CNTNAP2: variants seen among roughly 807,000 people sequenced by gnomAD.
The protein encoded by CNTNAP2 is contactin associated protein 2, also known as contactin-associated protein-like 2.
Under a neutral mutation model 155.2 loss-of-function variants are expected in CNTNAP2, and 98 were observed. That is an observed-to-expected ratio of 0.63 (90% CI 0.54 to 0.75). The LOEUF (loss-of-function observed/expected upper bound fraction) is 0.75, where lower values mean the gene tolerates loss of function less well. CNTNAP2 is among the 30% of genes least tolerant of loss of function. CNTNAP2 has a pLI of 0.00. For missense variants in CNTNAP2, 1,727 were observed against 1,688.1 expected (o/e 1.02, Z -0.40); for synonymous variants, 651 against 631.2 (o/e 1.03, Z -0.47).
chr7:146,768,115 A>C (rs555549594), intron 1 of CNTNAP2, among the ~76,000 whole-genome samples: 1 of 152,176 alleles, frequency 6.6e-6, no homozygotes, highest in Non-Finnish European at 1.5e-5. Context: ...GAAAATGTAA[A>C]ATATAAATTA....
At position 148,061,946 on chromosome 7, in the gene CNTNAP2, TAAAC is replaced by T. The variant is rs1325669011; in HGVS notation, c.2384-56170_2384-56167del. 5.2e-3 allele frequency among the ~76,000 whole-genome samples: 679 copies of T among 129,974 alleles called. 9 individuals are homozygous for T. The highest frequency in any genetic ancestry group is 7.0e-3 in the African/African-American group (226 of 32,136). The allele number at this position is 129,974 out of a possible 152,430, so 85.3% of individuals were successfully genotyped here. A position where few individuals can be genotyped will look rare whatever the true frequency, so the allele number is the denominator to read the frequency against. ...ATAGATAGATAGATAGATAGATAGA[TAAAC>T]AGATATAGATAGATAGATAGATAGA... On this transcript the variant is annotated intron_variant, in intron 15 of 23. Transcript: ENST00000361727.
chr7:146,405,514 T>C (rs1049086283), intron 1 of CNTNAP2, among the ~76,000 whole-genome samples: 22 of 152,226 alleles, frequency 1.4e-4, no homozygotes, highest in Non-Finnish European at 2.5e-4. Flanking sequence ...CTGAGATATA[T>C]AAGGGCCATT....
chr7:147,978,600 C>A (rs1038883532), intron 15 of CNTNAP2, among the ~76,000 whole-genome samples: 3 of 151,972 alleles, frequency 2.0e-5, no homozygotes, highest in African/African-American at 7.3e-5. Context: ...AGTGATGGTC[C>A]CTCCTAATTA....
intron 1 of CNTNAP2, among the ~76,000 whole-genome samples, chr7:146,178,721 A>G (rs1798508014): frequency 6.6e-6 from 1 of 152,216 alleles, no homozygotes; most frequent in Non-Finnish European, 1.5e-5. Flanking sequence ...AAAATATTAC[A>G]TATTTTATGC....
In CNTNAP2 at chr7:148,375,922, C is replaced by T. The variant is rs1798976278; in HGVS notation, c.3476-7727C>T. On this transcript the variant is annotated intron_variant, in intron 21 of 23. Coordinates refer to ENST00000361727, the MANE Select transcript of CNTNAP2 (RefSeq NM_014141.6). ...AGGCTGATGCAGAGAATTGCTTGAA[C>T]CTGGGAGGTGGAGGTTGCAGTGAGC... 3.4e-5 allele frequency among the ~76,000 whole-genome samples: 2 copies of T among 58,560 alleles called. 1 individual carries two copies. The highest frequency in any genetic ancestry group is 8.3e-5 in the African/African-American group (2 of 24,036). The allele number at this position is 58,560 out of a possible 152,430, so 38.4% of individuals were successfully genotyped here. A position where few individuals can be genotyped will look rare whatever the true frequency, so the allele number is the denominator to read the frequency against.
chr7:146,329,199 G>T (rs1226337312), intron 1 of CNTNAP2, among the ~76,000 whole-genome samples: 1 of 152,078 alleles, frequency 6.6e-6, no homozygotes, highest in Non-Finnish European at 1.5e-5. Context: ...CAGGTGTGAG[G>T]TTCTATCACA....
intron 11 of CNTNAP2, among the ~76,000 whole-genome samples, chr7:147,550,055 T>C (rs892476707): frequency 1.3e-5 from 2 of 152,218 alleles, no homozygotes; most frequent in African/African-American, 4.8e-5. Context: ...TAATGAGAAA[T>C]GAGTACTGCA....
At chr7:148,366,827 A>C (rs1795184421) in intron 21 of CNTNAP2, among the ~76,000 whole-genome samples, 1 of 150,504 alleles carries the variant, frequency 6.6e-6, no homozygotes, top group African/African-American at 2.4e-5. Flanking sequence ...AATGACCCCA[A>C]AAAAAAAAGG....
At chr7:147,338,885 T>C (rs951385462) in intron 9 of CNTNAP2, among the ~76,000 whole-genome samples, 1 of 151,148 alleles carries the variant, frequency 6.6e-6, no homozygotes, top group Non-Finnish European at 1.5e-5. Flanking sequence ...GGGCTGGGGG[T>C]AGGGGGAGCT....
At chr7:146,517,091 G>A (rs1367874830) in intron 1 of CNTNAP2, among the ~76,000 whole-genome samples, 1 of 151,880 alleles carries the variant, frequency 6.6e-6, no homozygotes, top group Non-Finnish European at 1.5e-5. Flanking sequence ...GATGAACTCT[G>A]GTGTCATCTT....
At chr7:147,110,385 G>A (rs1409965268) in intron 5 of CNTNAP2, among the ~76,000 whole-genome samples, 3 of 150,392 alleles carry the variant, frequency 2.0e-5, no homozygotes, top group Admixed American at 2.0e-4. Flanking sequence ...TTAAATTTAA[G>A]TTCATGAATG....
chr7:148,269,096 G>A (rs1796728009), intron 21 of CNTNAP2, among the ~76,000 whole-genome samples: 1 of 152,138 alleles, frequency 6.6e-6, no homozygotes. Context: ...GCTGGAGAGG[G>A]AGGCATCCAG....
At chr7:147,748,414 G>A (rs918692387) in intron 13 of CNTNAP2, among the ~76,000 whole-genome samples, 4 of 152,038 alleles carry the variant, frequency 2.6e-5, no homozygotes, top group African/African-American at 9.7e-5. Context: ...GTAAGTCCAA[G>A]ACACCCCCTT....
At chr7:147,137,912 G>GATAA (rs1319174373) in intron 8 of CNTNAP2, among the ~76,000 whole-genome samples, 1 of 99,154 alleles carries the variant, frequency 1.0e-5, no homozygotes, top group Non-Finnish European at 2.4e-5. Flanking sequence ...TAGATAGATA[G>GATAA]ATAGGTAGAT....
chr7:147,655,802 C>T (rs143634599), intron 13 of CNTNAP2, among the ~76,000 whole-genome samples: 63 of 152,306 alleles, frequency 4.1e-4, no homozygotes, highest in African/African-American at 1.3e-3. Flanking sequence ...GCTGCATTAG[C>T]CCCTAATAAG....
chr7:146,610,655 C>T (rs896698228), intron 1 of CNTNAP2, among the ~76,000 whole-genome samples: 1 of 152,184 alleles, frequency 6.6e-6, no homozygotes, highest in Non-Finnish European at 1.5e-5. Context: ...AGCTCCTCCT[C>T]TAATAATCTT....
chr7:146,467,007 CT>C (rs1165031300), intron 1 of CNTNAP2, among the ~76,000 whole-genome samples: 1 of 152,082 alleles, frequency 6.6e-6, no homozygotes, highest in Non-Finnish European at 1.5e-5. Context: ...TCTTGTCCCT[CT>C]TTAAACTCTT....
chr7:146,763,208 C>G (rs78808779), intron 1 of CNTNAP2, among the ~76,000 whole-genome samples: 1 of 152,120 alleles, frequency 6.6e-6, no homozygotes, highest in African/African-American at 2.4e-5. Flanking sequence ...TCTGAACATA[C>G]CCACCTTGTT....
intron 1 of CNTNAP2, among the ~76,000 whole-genome samples, chr7:146,333,224 C>G (rs1018328090): frequency 3.9e-5 from 6 of 152,082 alleles, no homozygotes; most frequent in African/African-American, 1.4e-4. Context: ...GGATTACTAG[C>G]ATGAGCCACG....
Sources: allele counts gnomAD v4.1 joint callset (sites outside exome capture counted in the v4.1 genomes callset), GRCh38; gene constraint gnomAD v4.1.1; transcripts MANE v1.5; gene names NCBI Gene and HGNC (gene_info 2026-07-23, HGNC 2026-07-21).